The following MARCHF10 variants were observed in gnomAD, a reference collection of about 807,000 sequenced individuals.
The protein encoded by MARCHF10 is membrane associated ring-CH-type finger 10, also known as probable E3 ubiquitin-protein ligase MARCHF10.
Under a neutral mutation model 76.2 loss-of-function variants are expected in MARCHF10, and 64 were observed. The ratio of observed to expected loss-of-function variants is 0.84; its 90% CI spans 0.69 to 1.03. The LOEUF (loss-of-function observed/expected upper bound fraction) is 1.03, where lower values mean the gene tolerates loss of function less well. MARCHF10 is among the 50% of genes least tolerant of loss of function. The pLI is 0.00. For missense variants in MARCHF10, 875 were observed against 958.0 expected (o/e 0.91, Z 1.14); for synonymous variants, 340 against 357.5 (o/e 0.95, Z 0.55).
At chr17:62,754,141 C>T (rs146940947) in intron 4 of MARCHF10, among the ~76,000 whole-genome samples, 252 of 152,262 alleles carry the variant, frequency 1.7e-3, no homozygotes, top group African/African-American at 5.6e-3. Flanking sequence ...GACACAATCT[C>T]GGCTCACTGC....
At chr17:62,701,889 G>A (rs2089260329) in intron 10 of MARCHF10, 131 bp from the exon 11 acceptor site, 1 of 1,182,546 alleles carries the variant, frequency 8.5e-7, no homozygotes, top group South Asian at 1.3e-5. Context: ...TGGCCACAGT[G>A]CCTGGAACCG....
At chr17:62,801,865 G>A (rs1260466461) in intron 1 of MARCHF10, 113 bp from the exon 2 acceptor site, 7 of 803,922 alleles carry the variant, frequency 8.7e-6, no homozygotes, top group Non-Finnish European at 1.5e-5. Flanking sequence ...AATTTCCCTT[G>A]TTTGAAAGGC....
chr17:62,731,596 T>C (rs1286486650), intron 6 of MARCHF10, among the ~76,000 whole-genome samples: 1 of 152,212 alleles, frequency 6.6e-6, no homozygotes, highest in East Asian at 1.9e-4. Context: ...TTAAAAAGCA[T>C]AGAAATTCCT....
In MARCHF10 at chr17:62,701,648, A is replaced by G; in HGVS notation, c.*55T>C. 6.2e-7 allele frequency: 1 copy of G among 1,613,170 alleles called. No individual in the cohort carries two copies. Among genetic ancestry groups the G allele is most frequent in the Non-Finnish European group, 8.5e-7 (1 of 1,179,854 alleles). On this transcript the variant is annotated 3_prime_UTR_variant, in exon 11 of 11. Coordinates refer to ENST00000311269, the MANE Select transcript of MARCHF10 (RefSeq NM_152598.4). ...GAGGGAGGGAGGCACTTGGGGACGT[A>G]GAAAGAAGGGCTGGCGGGAGAGGTC...
At chr17:62,779,115 A>G (rs1030974605) in intron 3 of MARCHF10, among the ~76,000 whole-genome samples, 1 of 152,114 alleles carries the variant, frequency 6.6e-6, no homozygotes, top group African/African-American at 2.4e-5. Context: ...TACCCAGTGC[A>G]CCTCGAGGGC....
intron 8 of MARCHF10, among the ~76,000 whole-genome samples, chr17:62,721,237 G>T (rs1345849226): frequency 6.6e-6 from 1 of 152,050 alleles, no homozygotes; most frequent in East Asian, 1.9e-4. Context: ...TGTTGATTTT[G>T]CACTTTTTAA....
chr17:62,747,158 A>T (rs1019071179), intron 4 of MARCHF10, among the ~76,000 whole-genome samples: 4 of 152,184 alleles, frequency 2.6e-5, no homozygotes, highest in African/African-American at 9.7e-5. Flanking sequence ...GACAAGTATT[A>T]ATTGCCTTGT....
chr17:62,780,485 T>C (rs761916741), intron 3 of MARCHF10, among the ~76,000 whole-genome samples: 1 of 152,190 alleles, frequency 6.6e-6, no homozygotes, highest in African/African-American at 2.4e-5. Flanking sequence ...ACTTCATTGA[T>C]GTGAACAGCA....
At chr17:62,705,272 C>T (rs750824982) in intron 10 of MARCHF10, 50 of 1,411,434 alleles carry the variant, frequency 3.5e-5, no homozygotes, top group Non-Finnish European at 4.4e-5. Flanking sequence ...AATCTTATCT[C>T]ATGCCGGAAG....
In MARCHF10 at chr17:62,770,044, A is replaced by G. The variant is rs546846127; in HGVS notation, c.211-10038T>C. ...CTCCTTAGTGCACTTAGTAGTCCAC[A>G]GTATCTGTTGTTCCCTTGTTTATAT... is the stretch of plus-strand genomic sequence containing the variant. On this transcript the variant is annotated intron_variant, in intron 3 of 10. Transcript: ENST00000311269. Among the ~76,000 whole-genome samples the G allele has an allele frequency of 2.0e-5, 3 of 152,282 alleles. No individual in the cohort carries two copies. The South Asian group carries it at 6.2e-4, about 32-fold the overall frequency.
intron 5 of MARCHF10, among the ~76,000 whole-genome samples, chr17:62,743,595 C>T (rs2091595347): frequency 6.6e-6 from 1 of 152,082 alleles, no homozygotes; most frequent in Non-Finnish European, 1.5e-5. Context: ...GTGAGTCGAG[C>T]TGGTGCCACT....
intron 10 of MARCHF10, 108 bp downstream of exon 10, chr17:62,705,431 G>A (rs1385231767): frequency 6.2e-7 from 1 of 1,602,134 alleles, no homozygotes; most frequent in African/African-American, 1.3e-5. Flanking sequence ...TTTTGCCTCT[G>A]GGTGGTGGTC....
intron 2 of MARCHF10, among the ~76,000 whole-genome samples, chr17:62,800,684 T>G (rs115899511): frequency 6.6e-6 from 1 of 152,192 alleles, no homozygotes; most frequent in Admixed American, 6.5e-5. Context: ...CAGCCCAGGC[T>G]GAGGACGTGC....
intron 3 of MARCHF10, among the ~76,000 whole-genome samples, chr17:62,768,631 T>C (rs921622589): frequency 6.6e-6 from 1 of 152,212 alleles, no homozygotes; most frequent in African/African-American, 2.4e-5. Context: ...TACGGAGAAA[T>C]TGAAAGAATA....
chr17:62,713,699 G>A (rs763697963), intron 8 of MARCHF10, among the ~76,000 whole-genome samples: 1 of 152,214 alleles, frequency 6.6e-6, no homozygotes, highest in Non-Finnish European at 1.5e-5. Context: ...CCAAATGAAC[G>A]AGGTTTTGGA....
At chr17:62,705,378 G>T in intron 10 of MARCHF10, 161 bp downstream of exon 10, 2 of 1,533,264 alleles carry the variant, frequency 1.3e-6, no homozygotes, top group South Asian at 2.5e-5. Flanking sequence ...TCGCCTTCCT[G>T]ATTGTTTGCT....
At chr17:62,753,780 G>A (rs1325618680) in intron 4 of MARCHF10, among the ~76,000 whole-genome samples, 1 of 152,180 alleles carries the variant, frequency 6.6e-6, no homozygotes, top group Non-Finnish European at 1.5e-5. Context: ...GGTGCGCCTT[G>A]CACTATCTGC....
intron 3 of MARCHF10, among the ~76,000 whole-genome samples, chr17:62,783,553 C>CA (rs915202793): frequency 2.0e-5 from 3 of 151,868 alleles, no homozygotes; most frequent in Admixed American, 1.3e-4. Context: ...GACAGACATA[C>CA]AAAAAACCCT....
intron 2 of MARCHF10, among the ~76,000 whole-genome samples, chr17:62,794,051 C>T (rs2148169437): frequency 6.6e-6 from 1 of 150,972 alleles, no homozygotes; most frequent in South Asian, 2.1e-4. Flanking sequence ...ATCTCCATAA[C>T]CACCATCACC....
Sources: allele counts gnomAD v4.1 joint callset (sites outside exome capture counted in the v4.1 genomes callset), GRCh38; gene constraint gnomAD v4.1.1; transcripts MANE v1.5; gene names NCBI Gene and HGNC (gene_info 2026-07-23, HGNC 2026-07-21).